The following CALD1 variants were observed in gnomAD, a reference collection of about 807,000 sequenced individuals.
CALD1 encodes caldesmon 1, also known as caldesmon.
Under a neutral mutation model 99.9 loss-of-function variants are expected in CALD1, and 33 were observed. The ratio of observed to expected loss-of-function variants is 0.33; its 90% CI spans 0.25 to 0.44. The LOEUF (loss-of-function observed/expected upper bound fraction) is 0.44. Ranked by LOEUF, CALD1 falls within the 20% of genes least tolerant of loss-of-function variation. The pLI is 1.00. For synonymous variants in CALD1, 310 were observed against 325.0 expected (o/e 0.95, Z 0.50); for missense variants, 861 against 962.1 (o/e 0.89, Z 1.39).
At chr7:134,890,775 G>A (rs1473912535) in intron 3 of CALD1, among the ~76,000 whole-genome samples, 3 of 152,174 alleles carry the variant, frequency 2.0e-5, no homozygotes, top group African/African-American at 7.2e-5. Context: ...GGTGCAGACG[G>A]GGCCTGCTGT....
At chr7:134,913,681 A>C (rs1247182388) in intron 3 of CALD1, among the ~76,000 whole-genome samples, 1 of 125,272 alleles carries the variant, frequency 8.0e-6, no homozygotes, top group African/African-American at 2.5e-5. Flanking sequence ...TGGATCACCA[A>C]ACTTTTTTGT....
At chr7:134,919,797 A>G (rs1297207097) in intron 3 of CALD1, among the ~76,000 whole-genome samples, 1 of 152,168 alleles carries the variant, frequency 6.6e-6, no homozygotes, top group Non-Finnish European at 1.5e-5. Context: ...CTTTTCCATG[A>G]AAATTTTTTT....
At chr7:134,914,352 T>G (rs1804047138) in intron 3 of CALD1, among the ~76,000 whole-genome samples, 1 of 152,204 alleles carries the variant, frequency 6.6e-6, no homozygotes, top group Non-Finnish European at 1.5e-5. Context: ...TGAAGTCTCC[T>G]CTTGCAGCTA....
chr7:134,927,296 T>C (rs2132882399), intron 3 of CALD1, among the ~76,000 whole-genome samples: 1 of 152,110 alleles, frequency 6.6e-6, no homozygotes, highest in East Asian at 1.9e-4. Context: ...TTTCCTCAAA[T>C]AGACATTCAC....
rs1807425019 is a variant in CALD1 at position 134,952,473 on chromosome 7, C to CTCT, written c.1935+1960_1935+1961insCTT. Among the ~76,000 whole-genome samples the CTCT allele has an allele frequency of 7.1e-5, 10 of 140,942 alleles. 1 individual carries two copies. Among genetic ancestry groups the CTCT allele is most frequent in the East Asian group, 2.1e-4 (1 of 4,824 alleles). The allele number at this position is 140,942 out of a possible 152,430, so 92.5% of individuals were successfully genotyped here. On this transcript the variant is annotated intron_variant, in intron 9 of 14. Transcript: ENST00000361675. ...TAATCCCCAAATAACTTCCCTTAGT[C>CTCT]TTTTTTTTTTTTTTTGAGATAGAGT...
intron 3 of CALD1, among the ~76,000 whole-genome samples, chr7:134,879,241 T>G (rs2060905): frequency 0.29 from 44,724 of 152,038 alleles, 7,310 homozygotes; most frequent in African/African-American, 0.45. Context: ...TGGACCAATG[T>G]GGTGGCTGTG....
intron 3 of CALD1, among the ~76,000 whole-genome samples, chr7:134,870,980 G>A (rs1255025886): frequency 6.6e-6 from 1 of 152,110 alleles, no homozygotes; most frequent in African/African-American, 2.4e-5. Flanking sequence ...GGAAACAGGT[G>A]GCCAGAAGCT....
At chr7:134,965,732 G>C (rs1409638302) in intron 14 of CALD1, among the ~76,000 whole-genome samples, 2 of 151,752 alleles carry the variant, frequency 1.3e-5, no homozygotes, top group African/African-American at 4.8e-5. Flanking sequence ...AAAATCACTT[G>C]GGGAAAACAT....
chr7:134,814,774 A>C (rs6963999), intron 1 of CALD1, among the ~76,000 whole-genome samples: 51,158 of 152,122 alleles, frequency 0.34, 10,796 homozygotes, highest in East Asian at 0.65. Context: ...CAGTCTCTCT[A>C]TGATTGTTGA....
intron 2 of CALD1, among the ~76,000 whole-genome samples, chr7:134,863,960 G>C (rs1173289384): frequency 6.6e-6 from 1 of 152,200 alleles, no homozygotes. Context: ...GGAAAGAGAG[G>C]AAAGTCCCGG....
chr7:134,896,297 C>CTATT (rs1278947238), intron 3 of CALD1, among the ~76,000 whole-genome samples: 1 of 152,178 alleles, frequency 6.6e-6, no homozygotes, highest in African/African-American at 2.4e-5. Context: ...TGTTCCAGTG[C>CTATT]TATTTCTTTG....
intron 2 of CALD1, among the ~76,000 whole-genome samples, chr7:134,853,541 G>A (rs1266854921): frequency 2.0e-5 from 3 of 151,174 alleles, no homozygotes; most frequent in African/African-American, 7.3e-5. Context: ...CTTCTTTTTA[G>A]GTTTCTTCCT....
At chr7:134,946,355 A>G (rs544805397) in intron 7 of CALD1, among the ~76,000 whole-genome samples, 10 of 152,282 alleles carry the variant, frequency 6.6e-5, no homozygotes, top group African/African-American at 2.4e-4. Flanking sequence ...TTACCATCTT[A>G]AGCATTTTTA....
chr7:134,740,300 T>TA (rs534151754), upstream of CALD1, among the ~76,000 whole-genome samples: 696 of 151,144 alleles, frequency 4.6e-3, 3 homozygotes, highest in African/African-American at 0.016. Context: ...TGGAGGGGAT[T>TA]AAAAAAAAAG....
rs927666288 is a variant in CALD1, at chr7:134,895,233, T to C, written c.71+27429T>C. ...CAAAAGTTTAGGAATGCCTGGCTTATTCAATGTTATCAGGAAATGTAGCAT... is the reference window on the plus strand; with the variant it reads ...CAAAAGTTTAGGAATGCCTGGCTTACTCAATGTTATCAGGAAATGTAGCAT... On this transcript the variant is annotated intron_variant, in intron 3 of 14. Coordinates refer to ENST00000361675, the MANE Select transcript of CALD1 (RefSeq NM_033138.4). Among the ~76,000 whole-genome samples, 96 of 152,030 alleles carry C rather than the reference T, an allele frequency of 6.3e-4. 1 individual carries two copies. Among genetic ancestry groups the C allele is most frequent in the Non-Finnish European group, 1.6e-4 (11 of 67,998 alleles).
intron 4 of CALD1, among the ~76,000 whole-genome samples, chr7:134,930,412 A>G (rs893381574): frequency 1.3e-5 from 2 of 152,216 alleles, no homozygotes; most frequent in African/African-American, 2.4e-5. Flanking sequence ...GTTACACTAT[A>G]TAAGATCTCA....
At chr7:134,774,097 G>T (rs1017308274) in intron 1 of CALD1, among the ~76,000 whole-genome samples, 1 of 151,164 alleles carries the variant, frequency 6.6e-6, no homozygotes, top group South Asian at 2.1e-4. Flanking sequence ...TTGAACCCAG[G>T]AGACAGAGGT....
chr7:134,908,458 T>C (rs532854542), intron 3 of CALD1, among the ~76,000 whole-genome samples: 1 of 152,342 alleles, frequency 6.6e-6, no homozygotes, highest in African/African-American at 2.4e-5. Flanking sequence ...CACTCTATTT[T>C]CTGAATGACT....
chr7:134,720,759 G>A, the CALD1 span, among the ~76,000 whole-genome samples: 2 of 152,152 alleles, frequency 1.3e-5, no homozygotes, highest in Non-Finnish European at 2.9e-5. Flanking sequence ...GGGAATGAAG[G>A]GTCTTCAAGC....
Sources: gnomAD v4.1 joint callset for allele counts (sites outside exome capture counted in the v4.1 genomes callset) on GRCh38, gnomAD v4.1.1 for gene constraint, MANE v1.5 for transcripts, NCBI Gene and HGNC (gene_info 2026-07-23, HGNC 2026-07-21) for gene names.